The following DLGAP1 variants were observed in gnomAD, a reference collection of about 807,000 sequenced individuals.
DLGAP1 encodes disks large-associated protein 1.
Under a neutral mutation model 90.8 loss-of-function variants are expected in DLGAP1, and 11 were observed. The observed-to-expected ratio is 0.12, with a 90% CI of 0.08 to 0.20. DLGAP1 has a LOEUF of 0.20. Ranked by LOEUF, DLGAP1 falls within the 10% of genes least tolerant of loss-of-function variation. DLGAP1 has a pLI of 1.00. For synonymous variants in DLGAP1, 558 were observed against 540.7 expected, an observed-to-expected ratio of 1.03 and a Z score of -0.44; for missense variants, 1,050 against 1,333.8, an observed-to-expected ratio of 0.79 and a Z score of 3.31.
chr18:4,019,220 T>G (rs1420546959), intron 2 of DLGAP1, among the ~76,000 whole-genome samples: 1 of 152,162 alleles, frequency 6.6e-6, no homozygotes, highest in African/African-American at 2.4e-5. Context: ...TTTCCCGACA[T>G]TATGCATTAG....
chr18:3,523,722 C>T (rs2051402086), intron 10 of DLGAP1, among the ~76,000 whole-genome samples: 1 of 151,976 alleles, frequency 6.6e-6, no homozygotes, highest in Non-Finnish European at 1.5e-5. Flanking sequence ...TGGCGTGCGC[C>T]CGTAGTCCCA....
At chr18:3,919,428 G>C (rs1002525348) in intron 3 of DLGAP1, among the ~76,000 whole-genome samples, 1 of 152,352 alleles carries the variant, frequency 6.6e-6, no homozygotes, top group South Asian at 2.1e-4. Flanking sequence ...AAGTTAGGTT[G>C]AGGCTAGTGA....
intron 1 of DLGAP1, among the ~76,000 whole-genome samples, chr18:4,242,770 C>T (rs2078568787): frequency 6.6e-6 from 1 of 151,952 alleles, no homozygotes; most frequent in African/African-American, 2.4e-5. Flanking sequence ...GGCTAGATTA[C>T]AAATGCAGTA....
intron 1 of DLGAP1, among the ~76,000 whole-genome samples, chr18:4,210,465 T>G (rs2077819125): frequency 6.6e-6 from 1 of 152,210 alleles, no homozygotes; most frequent in Non-Finnish European, 1.5e-5. Context: ...TCAAGAGTTA[T>G]CATTAATGCC....
intron 4 of DLGAP1, among the ~76,000 whole-genome samples, chr18:3,829,949 C>T (rs773599211): frequency 2.6e-5 from 4 of 152,036 alleles, no homozygotes; most frequent in Non-Finnish European, 2.9e-5. Flanking sequence ...CAGACAGGGC[C>T]GCTGCAGTGC....
chr18:4,447,464 G>T (rs774228536), intron 1 of DLGAP1, among the ~76,000 whole-genome samples: 11 of 152,094 alleles, frequency 7.2e-5, no homozygotes, highest in Admixed American at 1.3e-4. Flanking sequence ...ACATAGCAAA[G>T]AATAAGGAAA....
intron 2 of DLGAP1, among the ~76,000 whole-genome samples, chr18:4,099,148 T>C (rs568734655): frequency 1.5e-3 from 236 of 152,342 alleles, no homozygotes; most frequent in African/African-American, 4.3e-3. Flanking sequence ...ACTTAAGTAA[T>C]TGGCATATTC....
Position 3,899,718 on chromosome 18 carries a change from G to A in DLGAP1, c.-72-19578C>T, listed in dbSNP as rs1000936577. Among the ~76,000 whole-genome samples the A allele has an allele frequency of 3.3e-5, 5 of 151,988 alleles. 1 individual carries two copies. Among genetic ancestry groups the A allele is most frequent in the African/African-American group, 9.7e-5 (4 of 41,372 alleles). ...ATCTTCTCTTACTATCCCACTTTCC[G>A]CCAGTGTGAGCTTAGAAATGTATTG... On this transcript the variant is annotated intron_variant, in intron 3 of 12. Transcript: ENST00000315677.
intron 7 of DLGAP1, among the ~76,000 whole-genome samples, chr18:3,721,275 C>T (rs1036186059): frequency 6.6e-6 from 1 of 152,176 alleles, no homozygotes; most frequent in Non-Finnish European, 1.5e-5. Flanking sequence ...GCACAGACAT[C>T]TGACCACTTC....
At chr18:3,652,352 G>T (rs181526126) in intron 7 of DLGAP1, among the ~76,000 whole-genome samples, 1 of 152,166 alleles carries the variant, frequency 6.6e-6, no homozygotes, top group East Asian at 1.9e-4. Flanking sequence ...TTTAGAGACA[G>T]GGTCTCGCTC....
At chr18:4,097,104 A>G (rs1003145094) in intron 2 of DLGAP1, among the ~76,000 whole-genome samples, 1 of 152,174 alleles carries the variant, frequency 6.6e-6, no homozygotes, top group Admixed American at 6.5e-5. Flanking sequence ...TATTCAATTG[A>G]ACAAACACTT....
intron 2 of DLGAP1, among the ~76,000 whole-genome samples, chr18:4,145,135 T>C (rs1598479532): frequency 6.6e-6 from 1 of 152,190 alleles, no homozygotes; most frequent in South Asian, 2.1e-4. Context: ...CCACAATATG[T>C]CTATATATTT....
At chr18:4,219,925 C>T (rs1262502354) in intron 1 of DLGAP1, among the ~76,000 whole-genome samples, 4 of 152,028 alleles carry the variant, frequency 2.6e-5, no homozygotes, top group Admixed American at 1.3e-4. Flanking sequence ...ATTCCTCCAG[C>T]TTTGTTCTTT....
chr18:4,255,356 C>A (rs754612985), intron 1 of DLGAP1, among the ~76,000 whole-genome samples: 31 of 152,030 alleles, frequency 2.0e-4, no homozygotes, highest in Admixed American at 9.2e-4. Flanking sequence ...ATCTTTTCCC[C>A]AAGTAAACTG....
At chr18:3,733,425 C>A (rs1359420688) in intron 6 of DLGAP1, among the ~76,000 whole-genome samples, 4 of 152,156 alleles carry the variant, frequency 2.6e-5, no homozygotes, top group Non-Finnish European at 5.9e-5. Flanking sequence ...GTATAGTATT[C>A]TCTCGAGATT....
At chr18:4,069,167 A>G (rs1387453911) in intron 2 of DLGAP1, among the ~76,000 whole-genome samples, 2 of 152,162 alleles carry the variant, frequency 1.3e-5, no homozygotes, top group Admixed American at 6.5e-5. Flanking sequence ...CTAAAGTGTA[A>G]GTTCTTCCAC....
intron 7 of DLGAP1, among the ~76,000 whole-genome samples, chr18:3,690,592 A>G (rs2060859212): frequency 6.6e-6 from 1 of 152,220 alleles, no homozygotes; most frequent in East Asian, 1.9e-4. Context: ...GAAAGTGCCC[A>G]GAGGAAGTAC....
intron 4 of DLGAP1, among the ~76,000 whole-genome samples, chr18:3,865,825 T>C (rs2070349141): frequency 6.6e-6 from 1 of 152,222 alleles, no homozygotes; most frequent in African/African-American, 2.4e-5. Flanking sequence ...GAACAATGTA[T>C]GGTAAACACA....
intron 1 of DLGAP1, among the ~76,000 whole-genome samples, chr18:4,182,999 A>G (rs1360934553): frequency 1.3e-5 from 2 of 152,188 alleles, no homozygotes; most frequent in Admixed American, 1.3e-4. Flanking sequence ...TTAAAATGGC[A>G]ATTATAAACA....
Sources: allele counts gnomAD v4.1 joint callset (sites outside exome capture counted in the v4.1 genomes callset), GRCh38; gene constraint gnomAD v4.1.1; transcripts MANE v1.5; gene names NCBI Gene and HGNC (gene_info 2026-07-23, HGNC 2026-07-21).